Variants in DKK2 observed in about 807,000 individuals in gnomAD.
The protein encoded by DKK2 is dickkopf Wnt signaling pathway inhibitor 2.
In DKK2, 11 loss-of-function variants were observed where a neutral mutation model predicts 28.1. The ratio of observed to expected loss-of-function variants is 0.39; its 90% CI spans 0.25 to 0.65. The LOEUF is 0.65. Among genes scored for constraint, DKK2 ranks in the 30% least tolerant of loss-of-function variants. DKK2 has a pLI of 0.47. For synonymous variants in DKK2, 135 were observed against 126.5 expected, an observed-to-expected ratio of 1.07 and a Z score of -0.45; for missense variants, 326 against 335.5, an observed-to-expected ratio of 0.97 and a Z score of 0.22.
intron 1 of DKK2, among the ~76,000 whole-genome samples, chr4:106,937,825 G>A (rs1291541): frequency 0.19 from 28,706 of 151,492 alleles, 3,410 homozygotes; most frequent in Non-Finnish European, 0.26. Context: ...ACTCAAAACC[G>A]GTCAACTACA....
chr4:106,965,384 A>C (rs906424988), intron 1 of DKK2, among the ~76,000 whole-genome samples: 3 of 152,160 alleles, frequency 2.0e-5, no homozygotes, highest in African/African-American at 7.2e-5. Context: ...TGGCAGGAAT[A>C]AGTTTCTCAA....
intron 1 of DKK2, among the ~76,000 whole-genome samples, chr4:106,943,905 G>A (rs1054085274): frequency 3.3e-5 from 5 of 152,102 alleles, no homozygotes; most frequent in African/African-American, 1.2e-4. Flanking sequence ...GACAATAGGT[G>A]TTTCTGAGGA....
At chr4:107,034,109 C>T (rs73837550) in intron 1 of DKK2, among the ~76,000 whole-genome samples, 1 of 152,088 alleles carries the variant, frequency 6.6e-6, no homozygotes, top group East Asian at 1.9e-4. Flanking sequence ...AAATTGTCCC[C>T]GTGAGAGGGC....
At chr4:106,928,949 A>C (rs893617053) in intron 1 of DKK2, among the ~76,000 whole-genome samples, 2 of 152,166 alleles carry the variant, frequency 1.3e-5, no homozygotes, top group Non-Finnish European at 2.9e-5. Flanking sequence ...GGTTAACAGT[A>C]GTTGTGGATG....
intron 1 of DKK2, among the ~76,000 whole-genome samples, chr4:107,020,201 A>G (rs1723670294): frequency 6.6e-6 from 1 of 152,126 alleles, no homozygotes. Context: ...GTAGTCAATC[A>G]CTGTGATGGC....
At chr4:106,961,553 C>T (rs1326675297) in intron 1 of DKK2, among the ~76,000 whole-genome samples, 1 of 137,102 alleles carries the variant, frequency 7.3e-6, no homozygotes, top group Non-Finnish European at 1.7e-5. Context: ...AATTTGCAGC[C>T]GCCAACAGCC....
At chr4:107,009,406 G>A (rs370181210) in intron 1 of DKK2, among the ~76,000 whole-genome samples, 6 of 151,986 alleles carry the variant, frequency 3.9e-5, no homozygotes, top group African/African-American at 7.2e-5. Context: ...TGGCACAGCC[G>A]AGTGAGCTTG....
At chr4:106,941,174 C>A (rs988907900) in intron 1 of DKK2, among the ~76,000 whole-genome samples, 2 of 151,808 alleles carry the variant, frequency 1.3e-5, no homozygotes, top group African/African-American at 2.4e-5. Flanking sequence ...ATTCACGGCT[C>A]CACCACAGAA....
chr4:106,978,898 G>A (rs551544441), intron 1 of DKK2, among the ~76,000 whole-genome samples: 47 of 152,158 alleles, frequency 3.1e-4, no homozygotes, highest in East Asian at 5.8e-4. Context: ...GTAGGCACCC[G>A]AGGGAATCTC....
chr4:106,987,365 CAT>C (rs1723135450), intron 1 of DKK2, among the ~76,000 whole-genome samples: 1 of 152,154 alleles, frequency 6.6e-6, no homozygotes, highest in African/African-American at 2.4e-5. Flanking sequence ...ATTTGAAAAA[CAT>C]AATAATTATA....
intron 1 of DKK2, among the ~76,000 whole-genome samples, chr4:106,950,562 T>A (rs1320944471): frequency 6.6e-6 from 1 of 152,068 alleles, no homozygotes. Flanking sequence ...CTGCTAGTGC[T>A]TCTAGGTTCT....
intron 1 of DKK2, among the ~76,000 whole-genome samples, chr4:106,936,634 C>A (rs1248724966): frequency 6.6e-6 from 1 of 152,084 alleles, no homozygotes; most frequent in Non-Finnish European, 1.5e-5. Context: ...GGATACTCCT[C>A]GAGAAGAGCA....
chr4:107,009,915 G>A lies in DKK2; in HGVS notation c.222+25455C>T, dbSNP rs868216739. On this transcript the variant is annotated intron_variant, in intron 1 of 3. Transcript: ENST00000285311. ...CTGTAATTCTGTGGGAATTCTCCTC[G>A]AATTACAGAGAATAAGAATTTGGCC... Among the ~76,000 whole-genome samples the A allele has an allele frequency of 7.9e-5, 12 of 151,778 alleles. No individual in the cohort carries two copies. The Middle Eastern group carries it at 0.02, about 258-fold the overall frequency.
chr4:106,934,674 TC>T (rs1716147657), intron 1 of DKK2, among the ~76,000 whole-genome samples: 1 of 152,212 alleles, frequency 6.6e-6, no homozygotes, highest in Non-Finnish European at 1.5e-5. Flanking sequence ...TTTCATTTCC[TC>T]TAGGAATTAA....
At chr4:107,022,973 T>A (rs545494883) in intron 1 of DKK2, among the ~76,000 whole-genome samples, 2 of 152,058 alleles carry the variant, frequency 1.3e-5, no homozygotes, top group African/African-American at 4.8e-5. Context: ...TAAATACTGT[T>A]TTTAGTTTTG....
intron 1 of DKK2, among the ~76,000 whole-genome samples, chr4:106,942,454 C>G (rs1724714106): frequency 6.6e-6 from 1 of 152,098 alleles, no homozygotes; most frequent in Non-Finnish European, 1.5e-5. Flanking sequence ...CTTTTGTTGG[C>G]CCTTATTCAT....
intron 1 of DKK2, among the ~76,000 whole-genome samples, chr4:106,979,892 G>C (rs1723000647): frequency 6.6e-6 from 1 of 152,186 alleles, no homozygotes; most frequent in Admixed American, 6.5e-5. Flanking sequence ...ACTTTTATAA[G>C]TGGTCAAATA....
chr4:107,030,279 T>C (rs1035617997), intron 1 of DKK2, among the ~76,000 whole-genome samples: 1 of 152,102 alleles, frequency 6.6e-6, no homozygotes, highest in Non-Finnish European at 1.5e-5. Context: ...TCTGCTCTAG[T>C]TCCTGTCAAG....
At chr4:106,967,119 A>G (rs1722794343) in intron 1 of DKK2, among the ~76,000 whole-genome samples, 1 of 152,204 alleles carries the variant, frequency 6.6e-6, no homozygotes, top group African/African-American at 2.4e-5. Context: ...ACTAATGAAT[A>G]TTGAGCACTT....
Sources: allele counts gnomAD v4.1 joint callset (sites outside exome capture counted in the v4.1 genomes callset), GRCh38; gene constraint gnomAD v4.1.1; transcripts MANE v1.5; gene names NCBI Gene and HGNC (gene_info 2026-07-23, HGNC 2026-07-21).